The following FAM228B variants were observed in gnomAD, a reference collection of about 807,000 sequenced individuals.
FAM228B encodes the protein family with sequence similarity 228 member B, also known as protein FAM228B.
Under a neutral mutation model 42.6 loss-of-function variants are expected in FAM228B, and 38 were observed. The observed-to-expected ratio is 0.89, with a 90% confidence interval of 0.69 to 1.17. The LOEUF (loss-of-function observed/expected upper bound fraction) is 1.17, where lower values mean the gene tolerates loss of function less well. Ranked by LOEUF, FAM228B falls within the 50% of genes most tolerant of loss-of-function variation. FAM228B has a pLI of 0.00. For synonymous variants in FAM228B, 109 were observed against 122.3 expected (o/e 0.89, Z 0.72); for missense variants, 344 against 367.3 (o/e 0.94, Z 0.52).
At chr2:24,121,054 A>C, upstream of FAM228B, 1 of 1,414,028 alleles carries the variant, frequency 7.1e-7, no homozygotes, top group Non-Finnish European at 9.6e-7. Flanking sequence ...CAATGGCTCA[A>C]GACATTAATG....
intron 3 of FAM228B, among the ~76,000 whole-genome samples, chr2:24,106,710 T>C (rs922937857): frequency 7.2e-5 from 11 of 152,144 alleles, no homozygotes; most frequent in African/African-American, 2.4e-4. Context: ...TAAGATGATT[T>C]TCCGACAAGC....
At chr2:24,130,480 C>A (rs1454630185) in intron 2 of FAM228B, among the ~76,000 whole-genome samples, 1 of 152,102 alleles carries the variant, frequency 6.6e-6, no homozygotes, top group Admixed American at 6.5e-5. Flanking sequence ...TGTATTGTTT[C>A]TTGACTTTAA....
intron 1 of FAM228B, among the ~76,000 whole-genome samples, chr2:24,078,309 C>T (rs561876198): frequency 2.6e-5 from 4 of 151,992 alleles, no homozygotes; most frequent in Admixed American, 6.5e-5. Context: ...CTTACTTTGG[C>T]CGAATCACTT....
intron 7 of FAM228B, among the ~76,000 whole-genome samples, chr2:24,158,600 G>A (rs1350870385): frequency 6.6e-6 from 1 of 152,072 alleles, no homozygotes; most frequent in Non-Finnish European, 1.5e-5. Flanking sequence ...TTTGGATATA[G>A]GATAGGACTG....
chr2:24,087,121 A>G (rs1385625691), intron 2 of FAM228B: 2 of 152,238 alleles, frequency 1.3e-5, no homozygotes, highest in Non-Finnish European at 2.9e-5. Flanking sequence ...ATTTTATCTT[A>G]GTGAGCCCTT....
chr2:24,135,976 G>GTT lies in FAM228B; in HGVS notation c.168+806_168+807dup, dbSNP rs34144721. ...TTCTGAAGGTCAGTTATAGTGAAGG[G>GTT]TTTTTTTTTTTTTTTTTTCCATAGA... is the stretch of plus-strand genomic sequence containing the variant. On this transcript the variant is annotated intron_variant, in intron 3 of 10. Transcript: ENST00000615575. 7.4e-4 allele frequency among the ~76,000 whole-genome samples: 62 copies of GTT among 84,278 alleles called. 4 individuals carry two copies. Among genetic ancestry groups the GTT allele is most frequent in the African/African-American group, 2.5e-3 (54 of 21,364 alleles). 55.3% of individuals were successfully genotyped at this position (84,278 alleles called of 152,430 possible).
intron 7 of FAM228B, among the ~76,000 whole-genome samples, chr2:24,148,627 A>G (rs1316473166): frequency 6.6e-6 from 1 of 152,192 alleles, no homozygotes; most frequent in Non-Finnish European, 1.5e-5. Context: ...TTTATGAGGT[A>G]CATGAGATGT....
chr2:24,103,744 A>G (rs1232650288), intron 3 of FAM228B, among the ~76,000 whole-genome samples: 2 of 152,230 alleles, frequency 1.3e-5, no homozygotes, highest in African/African-American at 2.4e-5. Context: ...GAGAATCGCT[A>G]TAGTCCAGGT....
chr2:24,116,653 G>A (rs1242822935), intron 3 of FAM228B, among the ~76,000 whole-genome samples: 3 of 152,086 alleles, frequency 2.0e-5, no homozygotes, highest in Admixed American at 6.6e-5. Context: ...TCAGGAGTTC[G>A]AGACCAGCCT....
At chr2:24,090,403 G>T (rs935134144) in intron 2 of FAM228B, among the ~76,000 whole-genome samples, 12 of 151,786 alleles carry the variant, frequency 7.9e-5, no homozygotes, top group Admixed American at 7.9e-4. Flanking sequence ...GGCCAACATG[G>T]TGAAACCCCA....
At chr2:24,092,971 G>A (rs1442355278) in intron 2 of FAM228B, among the ~76,000 whole-genome samples, 5 of 98,340 alleles carry the variant, frequency 5.1e-5, no homozygotes, top group Admixed American at 1.1e-4. Context: ...CACACACCAT[G>A]TACAGAGGCT....
At chr2:24,111,407 A>AT (rs1162362535) in intron 3 of FAM228B, among the ~76,000 whole-genome samples, 8 of 152,042 alleles carry the variant, frequency 5.3e-5, no homozygotes, top group Non-Finnish European at 1.2e-4. Context: ...ACACATATCA[A>AT]TATGTTCACA....
chr2:24,084,399 G>A lies in FAM228B; in HGVS notation c.-210+3444G>A. 7 of 1,501,796 alleles carry A rather than the reference G, an allele frequency of 4.7e-6. No individual in the cohort carries two copies. The highest frequency in any genetic ancestry group is 2.1e-4 in the Middle Eastern group (1 of 4,700). The allele number at this position is 1,501,796 out of a possible 1,614,324, so 93.0% of individuals were successfully genotyped here. ...GGCAGGGCAGGACAGGACAGGGCAG[G>A]GCAGGACAGGACAGGGCAGGGGCCG... is the stretch of plus-strand genomic sequence containing the variant. On this transcript the variant is annotated intron_variant, in intron 2 of 10. Coordinates refer to the FAM228B transcript ENST00000613899. The surrounding 1 kb of genome is among the most constrained non-coding windows in gnomAD (Gnocchi z 8.4).
intron 2 of FAM228B, chr2:24,083,247 T>A: frequency 6.8e-7 from 1 of 1,461,502 alleles, no homozygotes. Flanking sequence ...CTTTTTTTTT[T>A]CAAAAATAAA....
At position 24,077,772 on chromosome 2, in the gene FAM228B, G is replaced by A. The variant is rs745891530; in HGVS notation, c.-290+803G>A. On this transcript the variant is annotated intron_variant, in intron 1 of 10. Coordinates refer to the FAM228B transcript ENST00000613899. This position sits in a 1 kb window ranked among gnomAD's most constrained non-coding sequence, Gnocchi z 5.5. ...CAGCATTTGCTTGTACTAAGACAAG[G>A]GAAAGGAGATCATCAGCCTGGGGAG... The A allele has an allele frequency of 1.2e-6, 2 of 1,608,494 alleles. No individual in the cohort carries two copies. Among genetic ancestry groups the A allele is most frequent in the African/African-American group, 1.3e-5 (1 of 74,908 alleles).
At chr2:24,113,647 C>T (rs749130126) in intron 3 of FAM228B, among the ~76,000 whole-genome samples, 9 of 152,088 alleles carry the variant, frequency 5.9e-5, no homozygotes, top group South Asian at 2.1e-4. Flanking sequence ...GAGGCGGAGG[C>T]GGGTGGATCA....
At chr2:24,125,422 C>T (rs1290232208) in intron 2 of FAM228B, among the ~76,000 whole-genome samples, 1 of 152,156 alleles carries the variant, frequency 6.6e-6, no homozygotes, top group Non-Finnish European at 1.5e-5. Flanking sequence ...GACATGTATA[C>T]ACACGAAAAC....
intron 8 of FAM228B, 40 bp downstream of exon 8, chr2:24,161,653 A>G (rs1353928538): frequency 8.0e-7 from 1 of 1,253,944 alleles, no homozygotes; most frequent in South Asian, 1.3e-5. Flanking sequence ...TCTTTTGCTA[A>G]GATGCTAGGC....
chr2:24,106,675 C>T (rs1242757607), intron 3 of FAM228B, among the ~76,000 whole-genome samples: 1 of 151,904 alleles, frequency 6.6e-6, no homozygotes, highest in East Asian at 1.9e-4. Context: ...TCTGGCCAAA[C>T]TAAGCTTCAT....
Sources: allele counts gnomAD v4.1 joint callset (sites outside exome capture counted in the v4.1 genomes callset), GRCh38; gene constraint gnomAD v4.1.1; non-coding constraint Gnocchi (gnomAD v3.1); transcripts MANE v1.5; gene names NCBI Gene and HGNC (gene_info 2026-07-23, HGNC 2026-07-21).